Variants in IPPK observed in about 807,000 individuals in gnomAD.
The protein encoded by IPPK is IPK1 homolog.
Under a neutral mutation model 64.6 loss-of-function variants are expected in IPPK, and 22 were observed. That is an observed-to-expected ratio of 0.34 (90% CI 0.24 to 0.49). The LOEUF (loss-of-function observed/expected upper bound fraction) is 0.49, where lower values mean the gene tolerates loss of function less well. IPPK is among the 20% of genes least tolerant of loss of function. The pLI is 0.99. For synonymous variants in IPPK, 262 were observed against 247.2 expected, an observed-to-expected ratio of 1.06 and a Z score of -0.56; for missense variants, 532 against 630.7, an observed-to-expected ratio of 0.84 and a Z score of 1.68.
chr9:92,648,541 A>G (rs1852193960), intron 5 of IPPK, among the ~76,000 whole-genome samples: 1 of 152,224 alleles, frequency 6.6e-6, no homozygotes, highest in Non-Finnish European at 1.5e-5. Flanking sequence ...GGCCCGACAG[A>G]GGCCCATCTG....
chr9:92,657,703 C>T (rs1852401138), intron 2 of IPPK, among the ~76,000 whole-genome samples: 1 of 152,230 alleles, frequency 6.6e-6, no homozygotes, highest in Non-Finnish European at 1.5e-5. Context: ...GACAGTGGGG[C>T]CTTCCTATCC....
rs1172659025 is a variant in IPPK at position 92,635,338 on chromosome 9, C to A, written c.917-30G>T. 3 of 1,597,426 alleles carry A rather than the reference C, an allele frequency of 1.9e-6. No homozygotes were observed. Among genetic ancestry groups the A allele is most frequent in the Non-Finnish European group, 1.7e-6 (2 of 1,171,820 alleles). ...CGAGAACATCAGGGGAAAACGAGAG[C>A]ATGTTGATTATCAAAGAACGTGGAG... On this transcript the variant is annotated intron_variant, in intron 9 of 12. Coordinates refer to ENST00000287996, the MANE Select transcript of IPPK (RefSeq NM_022755.6). The surrounding 1 kb of genome is among the most constrained non-coding windows in gnomAD (Gnocchi z 4.4).
chr9:92,635,441 C>G lies in IPPK; in HGVS notation c.917-133G>C, dbSNP rs1021260775. The G allele has an allele frequency of 2.0e-5, 18 of 905,354 alleles. No individual in the cohort carries two copies. In the African/African-American group the frequency reaches 3.0e-4, roughly 15 times the overall value. 56.1% of individuals were successfully genotyped at this position (905,354 alleles called of 1,614,324 possible). ...GGCATCACCACAGGCAAGGACTGCA[C>G]CCTGGACTGGCACTAAGGACAGACG... On this transcript the variant is annotated intron_variant, in intron 9 of 12. Transcript: ENST00000287996. This position sits in a 1 kb window ranked among gnomAD's most constrained non-coding sequence, Gnocchi z 4.4.
chr9:92,659,448 A>G lies in IPPK; in HGVS notation c.82-767T>C, dbSNP rs189928700. ...AAAGGACATTCGGCACAAGTTTAACATCTCCAAGTAGCAATGATTACAATA... is the reference window on the plus strand; with the variant it reads ...AAAGGACATTCGGCACAAGTTTAACGTCTCCAAGTAGCAATGATTACAATA... On this transcript the variant is annotated intron_variant, in intron 1 of 12. Coordinates refer to ENST00000287996, the MANE Select transcript of IPPK (RefSeq NM_022755.6). Among the ~76,000 whole-genome samples the G allele has an allele frequency of 2.6e-5, 4 of 152,378 alleles. No individual in the cohort carries two copies. In the East Asian group the frequency reaches 7.7e-4, roughly 29 times the overall value.
chr9:92,644,645 A>G (rs549914831), intron 6 of IPPK, among the ~76,000 whole-genome samples: 2 of 152,322 alleles, frequency 1.3e-5, no homozygotes, highest in South Asian at 4.1e-4. Flanking sequence ...TTTCCTTGGA[A>G]GGAAACCCAC....
At chr9:92,630,316 A>G (rs1446710848) in intron 11 of IPPK, among the ~76,000 whole-genome samples, 3 of 152,224 alleles carry the variant, frequency 2.0e-5, no homozygotes, top group Admixed American at 6.5e-5. Context: ...TTTATATGCA[A>G]TATTTGGAAG....
chr9:92,652,753 T>C (rs1852294093), intron 3 of IPPK, 114 bp from the exon 4 acceptor site: 1 of 493,402 alleles, frequency 2.0e-6, no homozygotes, highest in South Asian at 4.4e-5. Context: ...TTATGTGTAA[T>C]TTATAATATT....
chr9:92,646,622 A>G (rs1852155041), intron 6 of IPPK, among the ~76,000 whole-genome samples: 1 of 152,252 alleles, frequency 6.6e-6, no homozygotes. Context: ...TTAAAGATTT[A>G]TTAGAAGAAT....
chr9:92,657,834 C>T (rs919749946), intron 2 of IPPK, among the ~76,000 whole-genome samples: 2 of 151,958 alleles, frequency 1.3e-5, no homozygotes, highest in African/African-American at 4.8e-5. Flanking sequence ...CCCACCACCA[C>T]CCCCCGGCCT....
intron 9 of IPPK, among the ~76,000 whole-genome samples, chr9:92,636,260 A>C (rs1033564042): frequency 5.3e-5 from 8 of 152,246 alleles, no homozygotes; most frequent in Admixed American, 5.2e-4. Context: ...ACATGCAGGG[A>C]AACAGGAGTA....
chr9:92,635,778 C>G lies in IPPK; in HGVS notation c.917-470G>C, dbSNP rs1851931134. On this transcript the variant is annotated intron_variant, in intron 9 of 12. Coordinates refer to ENST00000287996, the MANE Select transcript of IPPK (RefSeq NM_022755.6). This position sits in a 1 kb window ranked among gnomAD's most constrained non-coding sequence, Gnocchi z 4.4. ...CCAGCCTGGAGTGCAGTGGCGTGAT[C>G]TCGACTCATTGCAACTGCAAGGCAA... Among the ~76,000 whole-genome samples the G allele has an allele frequency of 6.6e-6, 1 of 151,432 alleles. No homozygotes were observed. Among genetic ancestry groups the G allele is most frequent in the Non-Finnish European group, 1.5e-5 (1 of 67,910 alleles).
intron 1 of IPPK, among the ~76,000 whole-genome samples, chr9:92,666,443 T>G (rs1357413987): frequency 6.6e-6 from 1 of 152,186 alleles, no homozygotes; most frequent in Non-Finnish European, 1.5e-5. Context: ...ACCTGAGATG[T>G]GGCCACTGGC....
At chr9:92,651,742 T>C (rs1485998455) in intron 4 of IPPK, among the ~76,000 whole-genome samples, 1 of 152,166 alleles carries the variant, frequency 6.6e-6, no homozygotes, top group Non-Finnish European at 1.5e-5. Context: ...TGAGACGGAG[T>C]CTCACTCTGT....
intron 7 of IPPK, among the ~76,000 whole-genome samples, chr9:92,641,297 C>T (rs913580621): frequency 1.4e-4 from 21 of 152,186 alleles, no homozygotes; most frequent in Admixed American, 1.1e-3. Flanking sequence ...CTCCCCTACC[C>T]CCAACGGAGG....
intron 2 of IPPK, 107 bp downstream of exon 2, chr9:92,658,527 T>G: frequency 1.1e-6 from 1 of 940,716 alleles, no homozygotes; most frequent in Middle Eastern, 2.7e-4. Context: ...AATGCTTGTA[T>G]CATCTTTGAA....
At chr9:92,631,512 T>C (rs561335087) in intron 11 of IPPK, among the ~76,000 whole-genome samples, 65 of 152,228 alleles carry the variant, frequency 4.3e-4, no homozygotes, top group African/African-American at 1.5e-3. Flanking sequence ...ACAATATGAG[T>C]GCAAGAACTT....
In IPPK at chr9:92,635,377, G is replaced by A. The variant is rs569953796; in HGVS notation, c.917-69C>T. The A allele has an allele frequency of 1.4e-5, 21 of 1,520,002 alleles. No homozygotes were observed. In the South Asian group the frequency reaches 1.6e-4, roughly 12 times the overall value. The allele number at this position is 1,520,002 out of a possible 1,614,324, so 94.2% of individuals were successfully genotyped here. A position where few individuals can be genotyped will look rare whatever the true frequency, so the allele number is the denominator to read the frequency against. ...AAGAACGTGGAGGGAGACACAGGCC[G>A]GCGCAGACCGCAGGGCTCATCCTGG... On this transcript the variant is annotated intron_variant, in intron 9 of 12. Coordinates refer to ENST00000287996, the MANE Select transcript of IPPK (RefSeq NM_022755.6). The surrounding 1 kb of genome is among the most constrained non-coding windows in gnomAD (Gnocchi z 4.4).
intron 2 of IPPK, 108 bp from the exon 3 acceptor site, chr9:92,656,659 CAT>C: frequency 4.2e-6 from 3 of 718,076 alleles, no homozygotes; most frequent in Non-Finnish European, 7.5e-6. Flanking sequence ...GCAAGGGGGA[CAT>C]CCCAGCCACA....
intron 2 of IPPK, among the ~76,000 whole-genome samples, chr9:92,658,153 G>T (rs973983699): frequency 6.6e-6 from 1 of 152,212 alleles, no homozygotes; most frequent in African/African-American, 2.4e-5. Context: ...AGAGGGCAAT[G>T]CTTTTTCACG....
Sources: allele counts gnomAD v4.1 joint callset (sites outside exome capture counted in the v4.1 genomes callset), GRCh38; gene constraint gnomAD v4.1.1; non-coding constraint Gnocchi (gnomAD v3.1); transcripts MANE v1.5; gene names NCBI Gene and HGNC (gene_info 2026-07-23, HGNC 2026-07-21).